The following HEXB variants were observed in gnomAD, a reference collection of about 807,000 sequenced individuals.
HEXB encodes the protein hexosaminidase subunit beta.
HEXB carries 51 observed loss-of-function variants against 71.2 expected under a neutral mutation model. The ratio of observed to expected loss-of-function variants is 0.72; its 90% CI spans 0.57 to 0.90. The LOEUF (loss-of-function observed/expected upper bound fraction) is 0.90, where lower values mean the gene tolerates loss of function less well. HEXB is among the 40% of genes least tolerant of loss of function. HEXB has a pLI of 0.00. For missense variants in HEXB, 617 were observed against 677.0 expected (o/e 0.91, Z 0.98); for synonymous variants, 266 against 249.3 (o/e 1.07, Z -0.63).
intron 1 of HEXB, among the ~76,000 whole-genome samples, chr5:74,655,408 A>C (rs4704153): frequency 0.26 from 38,933 of 150,420 alleles, 5,356 homozygotes; most frequent in Admixed American, 0.37. Flanking sequence ...CATATACCAG[A>C]TTCATGTGAT....
chr5:74,716,777 T>C (rs572139968), intron 9 of HEXB, 104 bp downstream of exon 9: 1 of 744,608 alleles, frequency 1.3e-6, no homozygotes, highest in East Asian at 2.8e-5. Flanking sequence ...TGCCTAAGTG[T>C]AGATGTGAAA....
intron 1 of HEXB, among the ~76,000 whole-genome samples, chr5:74,646,751 T>G (rs1748009018): frequency 6.6e-6 from 1 of 151,952 alleles, no homozygotes; most frequent in Non-Finnish European, 1.5e-5. Flanking sequence ...GTGTTTTTAG[T>G]AGAGATGAGG....
chr5:74,665,336 T>C (rs1748413211), intron 1 of HEXB, among the ~76,000 whole-genome samples: 1 of 152,210 alleles, frequency 6.6e-6, no homozygotes, highest in African/African-American at 2.4e-5. Flanking sequence ...AAATTTTCTT[T>C]TTTGTACTTC....
At chr5:74,678,387 C>A (rs1305881384) in intron 1 of HEXB, among the ~76,000 whole-genome samples, 1 of 151,874 alleles carries the variant, frequency 6.6e-6, no homozygotes, top group Non-Finnish European at 1.5e-5. Context: ...AAGAAATATG[C>A]AGACCAACAG....
At chr5:74,718,575 T>A (rs1749732547) in intron 10 of HEXB, among the ~76,000 whole-genome samples, 1 of 152,204 alleles carries the variant, frequency 6.6e-6, no homozygotes, top group Admixed American at 6.5e-5. Context: ...GGTATCCATA[T>A]ATAAGCAAAA....
At chr5:74,707,812 A>G (rs1749437405) in intron 6 of HEXB, among the ~76,000 whole-genome samples, 2 of 55,256 alleles carry the variant, frequency 3.6e-5, no homozygotes, top group South Asian at 1.4e-3. Context: ...TCTACATCTG[A>G]TTGGTGTACC....
intron 1 of HEXB, among the ~76,000 whole-genome samples, chr5:74,671,767 A>G (rs889794516): frequency 6.6e-6 from 1 of 152,106 alleles, no homozygotes; most frequent in Non-Finnish European, 1.5e-5. Context: ...CTGGGCCAAA[A>G]CTCAAACACT....
chr5:74,651,561 A>G (rs1343081254), intron 1 of HEXB, among the ~76,000 whole-genome samples: 1 of 152,176 alleles, frequency 6.6e-6, no homozygotes, highest in Non-Finnish European at 1.5e-5. Context: ...ATTTTGCTTA[A>G]TCAGTTTCAT....
intron 3 of HEXB, 128 bp downstream of exon 3, chr5:74,693,832 C>A: frequency 2.7e-6 from 2 of 748,198 alleles, no homozygotes; most frequent in East Asian, 5.2e-5. Flanking sequence ...TATGTAGTTC[C>A]AAAATGATTT....
chr5:74,672,115 G>T (rs79865613), intron 1 of HEXB, among the ~76,000 whole-genome samples: 4,570 of 152,138 alleles, frequency 0.03, 169 homozygotes, highest in East Asian at 0.1. Flanking sequence ...TCAGGCAATA[G>T]CCCCCACCCT....
intron 11 of HEXB, 60 bp downstream of exon 11, chr5:74,719,031 C>T: frequency 6.6e-7 from 1 of 1,515,758 alleles, no homozygotes; most frequent in African/African-American, 1.4e-5. Flanking sequence ...GTAAGTGAAG[C>T]AACCATTGTT....
chr5:74,700,070 A>C (rs866826321), intron 5 of HEXB, among the ~76,000 whole-genome samples: 112 of 130,792 alleles, frequency 8.6e-4, no homozygotes, highest in African/African-American at 3.1e-3. Flanking sequence ...GCAGTGGCAC[A>C]ATCTTGGCTC....
chr5:74,720,712 T>A lies in HEXB; in HGVS notation c.1578T>A (p.Tyr526Ter), dbSNP rs1460801055. 1 of 1,614,130 alleles carries A rather than the reference T, an allele frequency of 6.2e-7. No individual in the cohort carries two copies. Among genetic ancestry groups the A allele is most frequent in the African/African-American group, 1.3e-5 (1 of 75,048 alleles). ...SKDVRDMDDA[Y>*]DRLTRHRCRM... ...ATGTCAGAGATATGGATGACGCCTA[T>A]GACAGACTGACAAGGCACCGCTGCA... Residue 526 changes from tyrosine to a stop codon, truncating the protein, a stop_gained, in exon 13 of 14, where the codon TAT becomes TAA. Transcript: ENST00000261416. LOFTEE classifies it low-confidence loss of function (END_TRUNC).
At chr5:74,663,685 C>A (rs975072219) in intron 1 of HEXB, among the ~76,000 whole-genome samples, 1 of 152,118 alleles carries the variant, frequency 6.6e-6, no homozygotes, top group Non-Finnish European at 1.5e-5. Context: ...GATTTGCAAT[C>A]AGCAAAAATA....
chr5:74,688,942 G>A (rs1282113463), intron 1 of HEXB, among the ~76,000 whole-genome samples: 1 of 152,150 alleles, frequency 6.6e-6, no homozygotes, highest in Non-Finnish European at 1.5e-5. Context: ...AAGTTTTCTT[G>A]TGATTTGCTC....
chr5:74,696,053 C>G (rs1206444988), intron 3 of HEXB, among the ~76,000 whole-genome samples: 1 of 152,062 alleles, frequency 6.6e-6, no homozygotes, highest in Non-Finnish European at 1.5e-5. Flanking sequence ...GACAGGAAGG[C>G]GTAGCAAAGA....
chr5:74,683,366 C>T (rs549156897), upstream of HEXB, among the ~76,000 whole-genome samples: 158 of 151,362 alleles, frequency 1.0e-3, no homozygotes, highest in African/African-American at 3.6e-3. Context: ...TGCAGTGGTG[C>T]AATCTCGGCT....
At chr5:74,649,941 T>C (rs751492977) in intron 1 of HEXB, among the ~76,000 whole-genome samples, 1 of 152,202 alleles carries the variant, frequency 6.6e-6, no homozygotes, top group Non-Finnish European at 1.5e-5. Flanking sequence ...ATCCCAAATA[T>C]TGAGAGAAGC....
intron 2 of HEXB, among the ~76,000 whole-genome samples, chr5:74,692,186 CT>C (rs1490163667): frequency 2.0e-5 from 3 of 152,048 alleles, no homozygotes; most frequent in African/African-American, 7.2e-5. Context: ...GAGCAGTGAG[CT>C]CTAGGTAGCT....
Sources: gnomAD v4.1 joint callset for allele counts (sites outside exome capture counted in the v4.1 genomes callset) on GRCh38, gnomAD v4.1.1 for gene constraint, MANE v1.5 for transcripts, NCBI Gene and HGNC (gene_info 2026-07-23, HGNC 2026-07-21) for gene names.